LRCH1: variants seen among roughly 807,000 people sequenced by gnomAD.
LRCH1 encodes the protein leucine rich repeats and calponin homology domain containing 1, also known as leucine-rich repeat and calponin homology domain-containing protein 1.
LRCH1 carries 23 observed loss-of-function variants against 94.9 expected under a neutral mutation model. The ratio of observed to expected loss-of-function variants is 0.24; its 90% confidence interval spans 0.17 to 0.34. LRCH1 has a LOEUF of 0.34. LRCH1 is among the 10% of genes least tolerant of loss of function. The pLI, the probability that LRCH1 is intolerant of heterozygous loss-of-function variation, is 1.00. For missense variants in LRCH1, 790 were observed against 945.9 expected (o/e 0.84, Z 2.16); for synonymous variants, 364 against 354.9 (o/e 1.03, Z -0.29).
chr13:46,727,651 T>G (rs1872888165), intron 17 of LRCH1, among the ~76,000 whole-genome samples: 1 of 152,100 alleles, frequency 6.6e-6, no homozygotes, highest in Non-Finnish European at 1.5e-5. Context: ...GGCGTGTCAA[T>G]AAAAGGTCAA....
At chr13:46,655,177 GGTGGT>G (rs879655205) in intron 2 of LRCH1, among the ~76,000 whole-genome samples, 2 of 152,120 alleles carry the variant, frequency 1.3e-5, no homozygotes, top group Non-Finnish European at 2.9e-5. Context: ...TGGTGGCGGT[GGTGGT>G]GATATGTCAC....
At chr13:46,609,967 AC>A (rs2050729914) in intron 1 of LRCH1, among the ~76,000 whole-genome samples, 1 of 152,030 alleles carries the variant, frequency 6.6e-6, no homozygotes, top group Non-Finnish European at 1.5e-5. Flanking sequence ...AAAAAGATTG[AC>A]CTTTGTGAGT....
intron 2 of LRCH1, among the ~76,000 whole-genome samples, chr13:46,659,832 AGACC>A (rs1263001710): frequency 2.0e-5 from 3 of 152,176 alleles, no homozygotes; most frequent in Admixed American, 6.5e-5. Context: ...TCCCAGAACC[AGACC>A]CTTGTGACCT....
intron 12 of LRCH1, 34 bp from the exon 13 acceptor site, chr13:46,705,234 T>G (rs1871692549): frequency 6.5e-7 from 1 of 1,529,960 alleles, no homozygotes; most frequent in African/African-American, 2.0e-5. Context: ...AAATTTCACT[T>G]TGTATCTTTT....
chr13:46,723,258 C>T lies in LRCH1; in HGVS notation c.1797C>T (p.Asp599=). 6.2e-7 allele frequency: 1 copy of T among 1,613,628 alleles called. No individual in the cohort carries two copies. Among genetic ancestry groups the T allele is most frequent in the South Asian group, 1.1e-5 (1 of 91,064 alleles). ...CTCAGAGAAATTTGGAATCTATAGA[C>T]CCGCAGTTTACAATCCGGAGGAAAA... The part of the protein sequence containing the change: ...LRPQRNLESI[D]PQFTIRRKME... Residue 599 remains aspartate, a synonymous_variant, in exon 17 of 20, where the codon GAC becomes GAT. Coordinates refer to ENST00000389797, the MANE Select transcript of LRCH1 (RefSeq NM_001164211.2).
At position 46,721,401 on chromosome 13, in the gene LRCH1, T is replaced by G. The variant is rs1359820587; in HGVS notation, c.1760-1820T>G. ...ATTTCTTGACCTTTTTTTGGTAAATTTGGTGGTGCAAATTAGTTCTATATT... is the reference window on the plus strand; with the variant it reads ...ATTTCTTGACCTTTTTTTGGTAAATGTGGTGGTGCAAATTAGTTCTATATT... On this transcript the variant is annotated intron_variant, in intron 16 of 19. Transcript: ENST00000389797. 2.0e-5 allele frequency among the ~76,000 whole-genome samples: 3 copies of G among 152,282 alleles called. No homozygotes were observed. The East Asian group carries it at 5.8e-4, about 29-fold the overall frequency.
intron 3 of LRCH1, among the ~76,000 whole-genome samples, chr13:46,675,038 T>C (rs1228414037): frequency 6.6e-6 from 1 of 152,216 alleles, no homozygotes; most frequent in African/African-American, 2.4e-5. Context: ...GTCTCACTAA[T>C]GTTTTGTTAC....
At chr13:46,677,201 G>A (rs2051686188) in intron 3 of LRCH1, among the ~76,000 whole-genome samples, 2 of 147,662 alleles carry the variant, frequency 1.4e-5, no homozygotes, top group African/African-American at 2.5e-5. Flanking sequence ...CCTGAGGTCA[G>A]GAGTTCGAGA....
intron 16 of LRCH1, among the ~76,000 whole-genome samples, chr13:46,720,255 T>G (rs1872537201): frequency 6.6e-6 from 1 of 151,872 alleles, no homozygotes; most frequent in African/African-American, 2.4e-5. Context: ...GGCATGGTGG[T>G]GCAGGCCTGT....
intron 1 of LRCH1, among the ~76,000 whole-genome samples, chr13:46,571,761 T>A (rs1426195637): frequency 6.6e-6 from 1 of 152,218 alleles, no homozygotes; most frequent in Non-Finnish European, 1.5e-5. Context: ...GCAATTCATG[T>A]ACCTCTCTGA....
At chr13:46,569,074 C>CT (rs138350428) in intron 1 of LRCH1, among the ~76,000 whole-genome samples, 13,822 of 152,118 alleles carry the variant, frequency 0.091, 731 homozygotes, top group Middle Eastern at 0.2. Context: ...CTTTATTTTC[C>CT]TTATTTCGAA....
chr13:46,742,547 T>C lies in LRCH1; in HGVS notation c.*699T>C, dbSNP rs1251414805. ...GAAGGGCGCTCAAGGGAAGGAAGTG[T>C]CGTTGCTGTTAGAGCCTCACGTGGA... On this transcript the variant is annotated 3_prime_UTR_variant, in exon 20 of 20. Coordinates refer to ENST00000389797, the MANE Select transcript of LRCH1 (RefSeq NM_001164211.2). The C allele has an allele frequency of 2.0e-6, 2 of 985,584 alleles. No individual in the cohort carries two copies. The highest frequency in any genetic ancestry group is 2.3e-4 in the East Asian group (2 of 8,814). 61.1% of individuals were successfully genotyped at this position (985,584 alleles called of 1,614,324 possible).
At chr13:46,633,634 C>A (rs901955273) in intron 1 of LRCH1, among the ~76,000 whole-genome samples, 1 of 152,176 alleles carries the variant, frequency 6.6e-6, no homozygotes, top group Non-Finnish European at 1.5e-5. Flanking sequence ...TTTCCTAGCT[C>A]ATTTTCTTTC....
At chr13:46,722,619 C>G (rs1872635204) in intron 16 of LRCH1, among the ~76,000 whole-genome samples, 1 of 152,180 alleles carries the variant, frequency 6.6e-6, no homozygotes, top group Non-Finnish European at 1.5e-5. Context: ...TCAGCTACTT[C>G]CAATCTTGCC....
intron 2 of LRCH1, among the ~76,000 whole-genome samples, chr13:46,650,722 CAA>C (rs756410319): frequency 0.18 from 10,691 of 58,090 alleles, 471 homozygotes; most frequent in Middle Eastern, 0.37. Flanking sequence ...AAACAAGGAG[CAA>C]AAAAAAAAAA....
At position 46,739,335 on chromosome 13, in the gene LRCH1, T is replaced by C. The variant is rs116042418; in HGVS notation, c.2086-2307T>C. Among the ~76,000 whole-genome samples the C allele has an allele frequency of 7.1e-4, 108 of 152,344 alleles. 1 individual carries two copies. The highest frequency in any genetic ancestry group is 2.5e-3 in the African/African-American group (104 of 41,584). ...GGGCATTAGCATCCGCACTTGCCTC[T>C]GGGGACTCTTAGTGAATTAACTGTG... On this transcript the variant is annotated intron_variant, in intron 19 of 19. Coordinates refer to ENST00000389797, the MANE Select transcript of LRCH1 (RefSeq NM_001164211.2).
chr13:46,702,754 T>C (rs1001515134), intron 11 of LRCH1, among the ~76,000 whole-genome samples: 2 of 152,142 alleles, frequency 1.3e-5, no homozygotes, highest in Admixed American at 6.5e-5. Flanking sequence ...TGGAGCCAGG[T>C]TGGGAAAATC....
At position 46,694,945 on chromosome 13, in the gene LRCH1, C is replaced by T; in HGVS notation, c.1173C>T (p.Thr391=). The T allele has an allele frequency of 6.2e-7, 1 of 1,614,088 alleles. No homozygotes were observed. The highest frequency in any genetic ancestry group is 1.3e-5 in the African/African-American group (1 of 75,024). Residue 391 remains threonine, a synonymous_variant, in exon 9 of 20, where the codon ACC becomes ACT. Coordinates refer to ENST00000389797, the MANE Select transcript of LRCH1 (RefSeq NM_001164211.2). ...QPEPSLLGDS[T]NSGEERDQFT... is the part of the protein sequence containing the mutation. ...AGCCTTCCCTTTTGGGTGACAGCAC[C>T]AACTCAGGAGAAGAAAGAGACCAGT...
chr13:46,745,975 CA>C (rs1873894908), downstream of LRCH1, among the ~76,000 whole-genome samples: 1 of 152,178 alleles, frequency 6.6e-6, no homozygotes, highest in African/African-American at 2.4e-5. Flanking sequence ...TCCCATCTGA[CA>C]TTGAAATTGA....
Sources: gnomAD v4.1 joint callset for allele counts (sites outside exome capture counted in the v4.1 genomes callset) on GRCh38, gnomAD v4.1.1 for gene constraint, MANE v1.5 for transcripts, NCBI Gene and HGNC (gene_info 2026-07-23, HGNC 2026-07-21) for gene names.